The following CLPX variants were observed in gnomAD, a reference collection of about 807,000 sequenced individuals.
CLPX encodes the protein caseinolytic mitochondrial matrix peptidase chaperone subunit X.
A neutral mutation model predicts 76.4 loss-of-function variants in CLPX; 34 were observed. That is an observed-to-expected ratio of 0.45 (90% CI 0.34 to 0.59). CLPX has a LOEUF of 0.59. CLPX is among the 20% of genes least tolerant of loss of function. The probability of loss-of-function intolerance (pLI) is 0.01; values close to 1 mark genes in which losing one functional copy is unlikely to be tolerated. For synonymous variants in CLPX, 248 were observed against 270.9 expected (o/e 0.92, Z 0.83); for missense variants, 613 against 757.0 (o/e 0.81, Z 2.23).
At chr15:65,151,609 C>T (rs2087722120) in intron 13 of CLPX, among the ~76,000 whole-genome samples, 2 of 152,052 alleles carry the variant, frequency 1.3e-5, no homozygotes, top group Admixed American at 6.6e-5. Flanking sequence ...TGATCACATC[C>T]GTCTTGTCTC....
In CLPX at chr15:65,154,977, A is replaced by C; in HGVS notation, c.1416T>G (p.Ile472Met). The change falls in exon 11 of 14, where the codon ATT becomes ATG. Residue 472 changes from isoleucine (I) to methionine (M), a missense_variant. Physicochemically the swap from Ile to Met is conservative, Grantham distance 10. Around this residue, in one of 2 missense-constraint regions of CLPX, gnomAD observed 450 missense variants for 638.6 expected, o/e 0.70. Coordinates refer to ENST00000300107, the MANE Select transcript of CLPX (RefSeq NM_006660.5). ...GACGCAATAACCGATCTTTTTCTTC[A>C]ATGTCTTGGTGAGTATTCGATTCCC... Reference protein sequence around the residue: ...RSGESNTHQDIEEKDRLLRHV... With the variant: ...RSGESNTHQDMEEKDRLLRHV... 2 of 1,614,038 alleles carry C rather than the reference A, an allele frequency of 1.2e-6. No homozygotes were observed. The highest frequency in any genetic ancestry group is 1.7e-6 in the Non-Finnish European group (2 of 1,179,990).
chr15:65,155,620 A>C, intron 10 of CLPX, 72 bp downstream of exon 10: 2 of 1,245,212 alleles, frequency 1.6e-6, no homozygotes, highest in Non-Finnish European at 2.3e-6. Flanking sequence ...GCCCGCAGAT[A>C]TGAGAATGGA....
rs1215001066 is a variant in CLPX at position 65,166,783 on chromosome 15, A to G, written c.361T>C (p.Ser121Pro). The change falls in exon 4 of 14, where the codon TCC (serine) becomes CCC (proline). Residue 121 changes from serine (S) to proline (P), a missense_variant and splice_region_variant. By Grantham distance (74) the Ser-to-Pro change is moderately conservative. Around this residue, in one of 2 missense-constraint regions of CLPX, gnomAD observed 450 missense variants for 638.6 expected, o/e 0.70. Coordinates refer to ENST00000300107, the MANE Select transcript of CLPX (RefSeq NM_006660.5). The stretch of plus-strand genomic sequence containing the variant: ...TTTTCACACTTGACAAAACGGGTGG[A>G]TGCTGTAAAAGAAAACAGACATAAG... ...LCTHVETFVS[S>P]TRFVKCEKCH... 1 of 1,611,718 alleles carries G rather than the reference A, an allele frequency of 6.2e-7. No homozygotes were observed. The highest frequency in any genetic ancestry group is 2.2e-5 in the East Asian group (1 of 44,844).
chr15:65,157,182 C>A (rs1308943684), intron 8 of CLPX, among the ~76,000 whole-genome samples: 1 of 152,180 alleles, frequency 6.6e-6, no homozygotes, highest in African/African-American at 2.4e-5. Flanking sequence ...CAGTGATTTG[C>A]CCCACTAATG....
intron 3 of CLPX, among the ~76,000 whole-genome samples, chr15:65,172,729 A>C (rs2088028001): frequency 1.3e-5 from 2 of 152,252 alleles, no homozygotes; most frequent in Middle Eastern, 3.2e-3. Flanking sequence ...TAACATCATT[A>C]GTCATTAGGG....
Position 65,157,840 on chromosome 15 carries a change from A to G in CLPX, c.963T>C (p.Thr321=). The change falls in exon 8 of 14, where the codon ACT becomes ACC. Residue 321 remains threonine (T), a synonymous_variant. Transcript: ENST00000300107. ...DVPFAICDCT[T]LTQAGYVGED... ...CGCCTACATATCCAGCCTGAGTCAA[A>G]GTTGTACAGTCACAGATAGCAAAAG... The G allele has an allele frequency of 2.5e-6, 4 of 1,613,896 alleles. No homozygotes were observed. Among genetic ancestry groups the G allele is most frequent in the Non-Finnish European group, 3.4e-6 (4 of 1,179,892 alleles).
chr15:65,148,837 A>G lies in CLPX; in HGVS notation c.*1986T>C, dbSNP rs1425842317. The G allele has an allele frequency of 6.6e-6, 1 of 152,132 alleles. No individual in the cohort carries two copies. The highest frequency in any genetic ancestry group is 1.9e-4 in the East Asian group (1 of 5,202). 9.4% of individuals were successfully genotyped at this position (152,132 alleles called of 1,614,324 possible). On this transcript the variant is annotated 3_prime_UTR_variant, in exon 14 of 14. Coordinates refer to ENST00000300107, the MANE Select transcript of CLPX (RefSeq NM_006660.5). Reference sequence around the variant, plus strand: ...ACTTGTACCACCATTATAGAAGGAAAGAAAAAAAGCTTAAAAGGTACCCAA... The same window carrying G: ...ACTTGTACCACCATTATAGAAGGAAGGAAAAAAAGCTTAAAAGGTACCCAA...
intron 3 of CLPX, among the ~76,000 whole-genome samples, chr15:65,167,148 G>T (rs146929332): frequency 0.013 from 2,048 of 151,884 alleles, 35 homozygotes; most frequent in African/African-American, 0.047. Context: ...TCGGCTCACT[G>T]CAACCTCTGC....
At chr15:65,181,698 G>A (rs1339896774) in intron 1 of CLPX, among the ~76,000 whole-genome samples, 4 of 151,570 alleles carry the variant, frequency 2.6e-5, no homozygotes, top group Non-Finnish European at 5.9e-5. Flanking sequence ...GCAGTGAGCC[G>A]AGATTGCGCC....
intron 3 of CLPX, among the ~76,000 whole-genome samples, chr15:65,170,036 C>T (rs768328377): frequency 1.3e-4 from 20 of 152,076 alleles, no homozygotes; most frequent in Non-Finnish European, 2.4e-4. Context: ...GCTGGGATTA[C>T]AGGCATGAGC....
chr15:65,165,821 A>C (rs539461010), intron 4 of CLPX, among the ~76,000 whole-genome samples: 1 of 152,226 alleles, frequency 6.6e-6, no homozygotes, highest in Non-Finnish European at 1.5e-5. Context: ...TTATAGTTTT[A>C]AACATCTTTA....
At chr15:65,182,118 C>CAAAAAA (rs540972406) in intron 1 of CLPX, among the ~76,000 whole-genome samples, 17 of 69,212 alleles carry the variant, frequency 2.5e-4, no homozygotes, top group African/African-American at 7.9e-4. Flanking sequence ...GTCTCCGTCT[C>CAAAAAA]AAAAAAAAAA....
intron 13 of CLPX, among the ~76,000 whole-genome samples, chr15:65,151,872 T>C (rs1003711821): frequency 6.6e-6 from 1 of 152,214 alleles, no homozygotes; most frequent in Non-Finnish European, 1.5e-5. Flanking sequence ...TAAACATTTA[T>C]TGAATAAATC....
intron 6 of CLPX, among the ~76,000 whole-genome samples, chr15:65,162,139 TG>T (rs2087862631): frequency 6.6e-6 from 1 of 152,162 alleles, no homozygotes; most frequent in African/African-American, 2.4e-5. Context: ...CCACTCTCCT[TG>T]GTCTATCAAG....
intron 1 of CLPX, among the ~76,000 whole-genome samples, chr15:65,181,891 AG>A (rs902669710): frequency 6.6e-6 from 1 of 151,952 alleles, no homozygotes; most frequent in African/African-American, 2.4e-5. Flanking sequence ...TGGGAGGCCC[AG>A]GGGGGCAGAT....
intron 12 of CLPX, among the ~76,000 whole-genome samples, chr15:65,153,078 G>A (rs1168543284): frequency 6.6e-6 from 1 of 151,526 alleles, no homozygotes; most frequent in East Asian, 1.9e-4. Context: ...ATCATATTAT[G>A]TCTATGTCCT....
At position 65,151,449 on chromosome 15, in the gene CLPX, A is replaced by G. The variant is rs566550552; in HGVS notation, c.1812-536T>C. ...CAGCATTTTCCCTGACAAATTTATTACTGGGAGAAAAAAAAAAAAAAAAAA... is the reference window on the plus strand; with the variant it reads ...CAGCATTTTCCCTGACAAATTTATTGCTGGGAGAAAAAAAAAAAAAAAAAA... On this transcript the variant is annotated intron_variant, in intron 13 of 13. Transcript: ENST00000300107. 1.7e-3 allele frequency among the ~76,000 whole-genome samples: 221 copies of G among 131,154 alleles called. 1 individual carries two copies. The highest frequency in any genetic ancestry group is 5.4e-3 in the African/African-American group (195 of 35,972). 86.0% of individuals were successfully genotyped at this position (131,154 alleles called of 152,430 possible). A position where few individuals can be genotyped will look rare whatever the true frequency, so the allele number is the denominator to read the frequency against.
chr15:65,178,998 T>C lies in CLPX; in HGVS notation c.294A>G (p.Lys98=), dbSNP rs763205023. The change falls in exon 3 of 14, where the codon AAA becomes AAG. Residue 98 remains lysine (K), a synonymous_variant. Coordinates refer to ENST00000300107, the MANE Select transcript of CLPX (RefSeq NM_006660.5). ...TAGGACAGCGCAGCTGGTTTCCACC[T>C]TTCCCAGAATTCCCAGAGCCTGATT... ...SKKSGSGNSG[K]GGNQLRCPKC... is the part of the protein sequence containing the mutation. 5 of 1,612,360 alleles carry C rather than the reference T, an allele frequency of 3.1e-6. No homozygotes were observed. In the South Asian group the frequency reaches 4.4e-5, roughly 14 times the overall value.
rs770581618 is a variant in CLPX at position 65,155,766 on chromosome 15, T to C, written c.1237A>G (p.Thr413Ala). 3.8e-5 allele frequency: 61 copies of C among 1,613,964 alleles called. No individual in the cohort carries two copies. Among genetic ancestry groups the C allele is most frequent in the South Asian group, 3.6e-4 (33 of 91,082 alleles). Residue 413 changes from threonine (T) to alanine (A), a missense_variant, in exon 10 of 14, where the codon ACA becomes GCA. By Grantham distance (58) the Thr-to-Ala change is moderately conservative (BLOSUM62 0). This residue lies in a region of CLPX where 450 missense variants were observed against 638.6 expected (regional missense o/e 0.70). Coordinates refer to ENST00000300107, the MANE Select transcript of CLPX (RefSeq NM_006660.5). Reference protein sequence around the residue: ...LRGETVQVDTTNILFVASGAF... With the variant: ...LRGETVQVDTANILFVASGAF... ...CCAGATGCCACAAACAGGATGTTTGTTGTATCAACTTGAACTGTTTCTCCA... is the reference window on the plus strand; with the variant it reads ...CCAGATGCCACAAACAGGATGTTTGCTGTATCAACTTGAACTGTTTCTCCA...
Sources: allele counts gnomAD v4.1 joint callset (sites outside exome capture counted in the v4.1 genomes callset), GRCh38; gene constraint gnomAD v4.1.1; regional missense constraint gnomAD v4.1.1; transcripts MANE v1.5; gene names NCBI Gene and HGNC (gene_info 2026-07-23, HGNC 2026-07-21).